Variants in DGLUCY observed in about 807,000 individuals in gnomAD.
DGLUCY encodes the protein D-glutamate cyclase, mitochondrial.
DGLUCY carries 58 observed loss-of-function variants against 58.5 expected under a neutral mutation model. The observed-to-expected ratio is 0.99, with a 90% confidence interval of 0.80 to 1.23. DGLUCY has a LOEUF of 1.23. Among genes scored for constraint, DGLUCY ranks in the 50% most tolerant of loss-of-function variants. The pLI is 0.00. For synonymous variants in DGLUCY, 325 were observed against 314.1 expected (o/e 1.03, Z -0.37); for missense variants, 779 against 784.7 (o/e 0.99, Z 0.09).
upstream of DGLUCY, among the ~76,000 whole-genome samples, chr14:91,106,329 A>G (rs2044589536): frequency 6.6e-6 from 1 of 150,934 alleles, no homozygotes; most frequent in African/African-American, 2.4e-5. Flanking sequence ...CAAAAAACTT[A>G]TGGACCACTG....
At position 91,224,985 on chromosome 14, in the gene DGLUCY, T is replaced by G; in HGVS notation, c.*152T>G. ...TGGCCTGGGAAACTGCATGCCCACT[T>G]TCTGGGAGGGGTTAGTGCAGGTGCT... On this transcript the variant is annotated 3_prime_UTR_variant, in exon 14 of 14. Transcript: ENST00000256324. 1.2e-6 allele frequency: 1 copy of G among 869,048 alleles called. No homozygotes were observed. The highest frequency in any genetic ancestry group is 1.7e-6 in the Non-Finnish European group (1 of 605,992). The allele number at this position is 869,048 out of a possible 1,614,324, so 53.8% of individuals were successfully genotyped here. A position where few individuals can be genotyped will look rare whatever the true frequency, so the allele number is the denominator to read the frequency against.
chr14:91,205,533 G>A (rs1245348614), intron 12 of DGLUCY, among the ~76,000 whole-genome samples: 1 of 152,146 alleles, frequency 6.6e-6, no homozygotes, highest in Non-Finnish European at 1.5e-5. Context: ...GCTAGGGTGG[G>A]AAAACCTGAT....
chr14:91,095,714 A>C (rs1054095343), intron 1 of DGLUCY, among the ~76,000 whole-genome samples: 2 of 152,146 alleles, frequency 1.3e-5, no homozygotes, highest in Admixed American at 1.3e-4. Context: ...AGACTCTGCA[A>C]ATGGGGGGAG....
intron 1 of DGLUCY, among the ~76,000 whole-genome samples, chr14:91,091,486 C>T (rs1301020728): frequency 6.6e-6 from 1 of 152,172 alleles, no homozygotes; most frequent in Non-Finnish European, 1.5e-5. Flanking sequence ...CACGCCACTA[C>T]ACTCCAGCCT....
chr14:91,201,021 C>T (rs181965932), intron 11 of DGLUCY, among the ~76,000 whole-genome samples: 1 of 151,614 alleles, frequency 6.6e-6, no homozygotes, highest in Non-Finnish European at 1.5e-5. Context: ...AGTACCTTCT[C>T]AAGGGTGGGG....
intron 1 of DGLUCY, among the ~76,000 whole-genome samples, chr14:91,096,300 G>A (rs1270500168): frequency 6.6e-6 from 1 of 152,124 alleles, no homozygotes; most frequent in Non-Finnish European, 1.5e-5. Context: ...TATAATCCCA[G>A]CTACTTGGGA....
intron 13 of DGLUCY, chr14:91,223,693 A>G: frequency 7.8e-7 from 1 of 1,288,648 alleles, no homozygotes; most frequent in Non-Finnish European, 1.0e-6. Context: ...GCAAAGGGAG[A>G]AAGCTCTAGG....
chr14:91,103,827 CAT>C (rs1029447152), upstream of DGLUCY, among the ~76,000 whole-genome samples: 7 of 146,202 alleles, frequency 4.8e-5, no homozygotes, highest in African/African-American at 7.6e-5. Context: ...CACACACACA[CAT>C]ATATATACAC....
At chr14:91,151,735 A>G (rs1267777656) in intron 1 of DGLUCY, among the ~76,000 whole-genome samples, 1 of 150,568 alleles carries the variant, frequency 6.6e-6, no homozygotes, top group East Asian at 2.0e-4. Flanking sequence ...GCTCACTGCA[A>G]CCTCCGCCTC....
intron 1 of DGLUCY, among the ~76,000 whole-genome samples, chr14:91,090,799 C>T (rs1405367396): frequency 1.3e-5 from 2 of 152,188 alleles, no homozygotes; most frequent in African/African-American, 4.8e-5. Flanking sequence ...CTGTCAAACT[C>T]CCAGCAAATG....
intron 13 of DGLUCY, among the ~76,000 whole-genome samples, chr14:91,223,055 A>T (rs1887739834): frequency 6.6e-6 from 1 of 152,216 alleles, no homozygotes; most frequent in Non-Finnish European, 1.5e-5. Flanking sequence ...CCCCACTTTC[A>T]AATTCCAACA....
chr14:91,157,022 G>A (rs1345889098), intron 1 of DGLUCY, among the ~76,000 whole-genome samples: 4 of 152,270 alleles, frequency 2.6e-5, no homozygotes, highest in African/African-American at 9.6e-5. Flanking sequence ...TGGATGAATG[G>A]CTGGGTGAAT....
chr14:91,155,545 C>G (rs571848221), intron 1 of DGLUCY, among the ~76,000 whole-genome samples: 1 of 152,106 alleles, frequency 6.6e-6, no homozygotes, highest in Admixed American at 6.5e-5. Flanking sequence ...CACGGCGGCT[C>G]ACTCCTATAA....
chr14:91,062,421 G>A (rs1031569904), intron 1 of DGLUCY, among the ~76,000 whole-genome samples: 31 of 150,620 alleles, frequency 2.1e-4, no homozygotes, highest in African/African-American at 7.6e-4. Flanking sequence ...GGTGGTGGGC[G>A]CCTGTAATCC....
At chr14:91,224,559 A>C in intron 13 of DGLUCY, 125 bp from the exon 14 acceptor site, 1 of 1,146,912 alleles carries the variant, frequency 8.7e-7, no homozygotes, top group Non-Finnish European at 1.2e-6. Context: ...TTTAAACCAA[A>C]ATTTTACTTT....
At chr14:91,076,425 G>A (rs1333864690) in intron 1 of DGLUCY, among the ~76,000 whole-genome samples, 3 of 152,026 alleles carry the variant, frequency 2.0e-5, no homozygotes, top group Non-Finnish European at 2.9e-5. Context: ...CACTGTATGG[G>A]TTTTTTATTT....
chr14:91,078,873 A>AGTTTTT (rs2044074490), intron 1 of DGLUCY, among the ~76,000 whole-genome samples: 2 of 101,186 alleles, frequency 2.0e-5, no homozygotes, highest in Non-Finnish European at 4.1e-5. Flanking sequence ...ATTTATTTTT[A>AGTTTTT]ATTTTTATTT....
chr14:91,156,719 C>T (rs569760016), intron 1 of DGLUCY, among the ~76,000 whole-genome samples: 1 of 152,296 alleles, frequency 6.6e-6, no homozygotes, highest in African/African-American at 2.4e-5. Flanking sequence ...GAGCTCAGAG[C>T]AGAAAGGTAG....
chr14:91,064,149 C>T (rs536992305), intron 1 of DGLUCY, among the ~76,000 whole-genome samples: 2 of 152,040 alleles, frequency 1.3e-5, no homozygotes, highest in African/African-American at 4.8e-5. Flanking sequence ...ATGAAAGGGA[C>T]AAATTAAAGG....
Sources: allele counts gnomAD v4.1 joint callset (sites outside exome capture counted in the v4.1 genomes callset), GRCh38; gene constraint gnomAD v4.1.1; transcripts MANE v1.5; gene names NCBI Gene and HGNC (gene_info 2026-07-23, HGNC 2026-07-21).